CPLANE1: variants seen among roughly 807,000 people sequenced by gnomAD.
The protein encoded by CPLANE1 is ciliogenesis and planar polarity effector complex subunit 1.
A neutral mutation model predicts 362.5 loss-of-function variants in CPLANE1; 263 were observed. The observed-to-expected ratio is 0.73, with a 90% CI of 0.66 to 0.80. The LOEUF (loss-of-function observed/expected upper bound fraction) is 0.80. Among genes scored for constraint, CPLANE1 ranks in the 30% least tolerant of loss-of-function variants. The pLI is 0.00. For synonymous variants in CPLANE1, 1,212 were observed against 1,302.6 expected, an observed-to-expected ratio of 0.93 and a Z score of 1.50; for missense variants, 3,461 against 3,793.4, an observed-to-expected ratio of 0.91 and a Z score of 2.30.
At chr5:37,206,087 A>C in intron 17 of CPLANE1, 110 bp downstream of exon 17, 1 of 761,032 alleles carries the variant, frequency 1.3e-6, no homozygotes, top group South Asian at 1.8e-5. Flanking sequence ...CGTTCCATTG[A>C]ACAATGCTGA....
At chr5:37,123,930 TACACACACACACAC>T (rs56833956) in intron 47 of CPLANE1, among the ~76,000 whole-genome samples, 1 of 144,436 alleles carries the variant, frequency 6.9e-6, no homozygotes, top group Non-Finnish European at 1.5e-5. Flanking sequence ...TAGGGGAACA[TACACACACACACAC>T]ACACACACAC....
chr5:37,206,450 AT>A, intron 16 of CPLANE1, 25 bp from the exon 17 acceptor site: 1 of 1,394,828 alleles, frequency 7.2e-7, no homozygotes, highest in Non-Finnish European at 9.9e-7. Flanking sequence ...TTAAAAATGG[AT>A]TATTACAATC....
intron 47 of CPLANE1, among the ~76,000 whole-genome samples, chr5:37,124,140 T>G (rs527667177): frequency 6.6e-6 from 1 of 152,288 alleles, no homozygotes; most frequent in South Asian, 2.1e-4. Context: ...TCACCTACTT[T>G]TGCACCATTT....
At chr5:37,233,836 C>T (rs1449560229) in intron 8 of CPLANE1, among the ~76,000 whole-genome samples, 2 of 152,106 alleles carry the variant, frequency 1.3e-5, no homozygotes, top group Non-Finnish European at 2.9e-5. Flanking sequence ...TAAAAACAGG[C>T]ACACTCACCC....
the CPLANE1 span, among the ~76,000 whole-genome samples, chr5:37,080,018 A>T: frequency 6.6e-6 from 1 of 152,242 alleles, no homozygotes; most frequent in Non-Finnish European, 1.5e-5. Context: ...TACTTTGAGC[A>T]AAGCTGGCAG....
chr5:37,092,639 C>G, the CPLANE1 span, among the ~76,000 whole-genome samples: 1 of 152,146 alleles, frequency 6.6e-6, no homozygotes, highest in Non-Finnish European at 1.5e-5. Context: ...TCCCATTCCC[C>G]TATGATTTGG....
intron 46 of CPLANE1, among the ~76,000 whole-genome samples, chr5:37,132,541 T>C (rs1260331431): frequency 2.6e-5 from 4 of 151,964 alleles, no homozygotes; most frequent in Non-Finnish European, 4.4e-5. Flanking sequence ...AGTGACGGGG[T>C]TTCACCATGT....
chr5:37,157,698 A>T lies in CPLANE1; in HGVS notation c.7983T>A (p.Ala2661=), dbSNP rs867796575. The T allele has an allele frequency of 6.2e-7, 1 of 1,613,836 alleles. No homozygotes were observed. Among genetic ancestry groups the T allele is most frequent in the Non-Finnish European group, 8.5e-7 (1 of 1,179,894 alleles). ...GACTCTTAAAATTATGTGGGGGAACAGCATTAGTAACTGAAGCTGCCATAT... is the reference window on the plus strand; with the variant it reads ...GACTCTTAAAATTATGTGGGGGAACTGCATTAGTAACTGAAGCTGCCATAT... The part of the protein sequence containing the change: ...LHYMAASVTN[A]VPPHNFKSQE... The change falls in exon 40 of 53, where the codon GCT becomes GCA. Residue 2661 remains alanine (A), a synonymous_variant. Transcript: ENST00000651892.
chr5:37,187,630 G>C (rs746443172), intron 22 of CPLANE1, 58 bp from the exon 23 acceptor site: 3 of 1,559,782 alleles, frequency 1.9e-6, no homozygotes, highest in Admixed American at 3.7e-5. Flanking sequence ...AGACCAGAAT[G>C]AGTTCAAAAG....
At chr5:37,204,773 G>A (rs1363601691) in intron 18 of CPLANE1, among the ~76,000 whole-genome samples, 1 of 150,344 alleles carries the variant, frequency 6.7e-6, no homozygotes, top group Non-Finnish European at 1.5e-5. Context: ...AGGCATGTAT[G>A]GAAAATCAGA....
At chr5:37,121,879 T>TA in intron 48 of CPLANE1, 95 bp from the exon 49 acceptor site, 1 of 1,031,826 alleles carries the variant, frequency 9.7e-7, no homozygotes, top group South Asian at 1.7e-5. Context: ...TAGCATGTTC[T>TA]GGTTTTTTTT....
chr5:37,180,186 GA>G lies in CPLANE1; in HGVS notation c.5571-4del. ...TTTTTGCTTCAGTTGGCATTCTACT[GA>G]AAAAAATGCAGCAACTAAAATTACA... On this transcript the variant is annotated splice_polypyrimidine_tract_variant and splice_region_variant and intron_variant, in intron 27 of 52. Coordinates refer to ENST00000651892, the MANE Select transcript of CPLANE1 (RefSeq NM_001384732.1). 8.4e-6 allele frequency: 12 copies of G among 1,433,138 alleles called. No homozygotes were observed. The highest frequency in any genetic ancestry group is 3.2e-5 in the South Asian group (2 of 63,154). 88.8% of individuals were successfully genotyped at this position (1,433,138 alleles called of 1,614,324 possible). A position where few individuals can be genotyped will look rare whatever the true frequency, so the allele number is the denominator to read the frequency against.
intron 37 of CPLANE1, 51 bp from the exon 38 acceptor site, chr5:37,162,617 C>T (rs769733105): frequency 5.1e-5 from 65 of 1,278,188 alleles, no homozygotes; most frequent in Middle Eastern, 2.0e-4. Context: ...TAACAGATTA[C>T]CAGGAGCCCA....
Position 37,121,670 on chromosome 5 carries a change from G to A in CPLANE1, c.9132C>T (p.Asn3044=), listed in dbSNP as rs374088464. 16 of 1,614,168 alleles carry A rather than the reference G, an allele frequency of 9.9e-6. No homozygotes were observed. Among genetic ancestry groups the A allele is most frequent in the Non-Finnish European group, 1.4e-5 (16 of 1,179,998 alleles). ...TGGAAGACTGAGTAGGGCTGGGTTT[G>A]TTAGGCAATGGTTTCTGTGGTAGAG... ...LPTLPQKPLP[N]KPSPTQSSSC... Residue 3044 remains asparagine (N), a synonymous_variant, in exon 49 of 53, where the codon AAC becomes AAT. Coordinates refer to ENST00000651892, the MANE Select transcript of CPLANE1 (RefSeq NM_001384732.1).
chr5:37,169,962 G>T, intron 33 of CPLANE1, 79 bp downstream of exon 33: 1 of 1,410,500 alleles, frequency 7.1e-7, no homozygotes, highest in Non-Finnish European at 9.8e-7. Flanking sequence ...CCCAACCTCA[G>T]GTGTGGCCTG....
intron 28 of CPLANE1, 100 bp from the exon 29 acceptor site, chr5:37,179,543 CAG>C (rs534755414): frequency 1.4e-6 from 1 of 739,658 alleles, no homozygotes; most frequent in Non-Finnish European, 2.3e-6. Context: ...AATATAATGA[CAG>C]AAATATTTTC....
chr5:37,112,964 T>A (rs187389355), intron 51 of CPLANE1, among the ~76,000 whole-genome samples: 1 of 152,364 alleles, frequency 6.6e-6, no homozygotes, highest in Admixed American at 6.5e-5. Flanking sequence ...TAATTTCAAC[T>A]GTTTTTAGAG....
At chr5:37,219,915 C>T (rs1371309810) in intron 15 of CPLANE1, among the ~76,000 whole-genome samples, 2 of 151,962 alleles carry the variant, frequency 1.3e-5, no homozygotes, top group Non-Finnish European at 2.9e-5. Flanking sequence ...CTAATATGAA[C>T]ACGTATTACT....
At chr5:37,167,278 A>G (rs1315565284) in intron 34 of CPLANE1, 65 bp from the exon 35 acceptor site, 12 of 1,251,910 alleles carry the variant, frequency 9.6e-6, no homozygotes, top group Non-Finnish European at 7.9e-6. Flanking sequence ...TATTTCAACA[A>G]AAGACTGAGG....
Sources: gnomAD v4.1 joint callset for allele counts (sites outside exome capture counted in the v4.1 genomes callset) on GRCh38, gnomAD v4.1.1 for gene constraint, MANE v1.5 for transcripts, NCBI Gene and HGNC (gene_info 2026-07-23, HGNC 2026-07-21) for gene names.